MBNL2: variants seen among roughly 807,000 people sequenced by gnomAD.
MBNL2 encodes muscleblind-like protein 2.
Under a neutral mutation model 41.9 loss-of-function variants are expected in MBNL2, and 17 were observed. That is an observed-to-expected ratio of 0.41 (90% CI 0.28 to 0.61). MBNL2 has a LOEUF of 0.61. Among genes scored for constraint, MBNL2 ranks in the 20% least tolerant of loss-of-function variants. MBNL2 has a pLI of 0.35. For synonymous variants in MBNL2, 195 were observed against 182.9 expected (o/e 1.07, Z -0.53); for missense variants, 336 against 505.6 (o/e 0.66, Z 3.22).
chr13:97,280,689 C>CT lies in MBNL2; in HGVS notation c.174+4280_174+4281insT, dbSNP rs200020857. 5.7e-3 allele frequency among the ~76,000 whole-genome samples: 870 copies of CT among 152,256 alleles called. 4 individuals carry two copies. The highest frequency in any genetic ancestry group is 0.01 in the Admixed American group (160 of 15,288). On this transcript the variant is annotated intron_variant, in intron 2 of 8. Transcript: ENST00000679496. ...CACCTGACTTCATTTCTATCGCCAC[C>CT]ACTCCCTCCAACCCACTCCAGCCAC...
intron 2 of MBNL2, among the ~76,000 whole-genome samples, chr13:97,312,247 G>A (rs1016879737): frequency 7.2e-5 from 11 of 152,180 alleles, no homozygotes; most frequent in Admixed American, 2.6e-4. Context: ...GGAATAAGGG[G>A]ACGGAAAACA....
chr13:97,350,420 CAATG>C (rs1167527127), intron 5 of MBNL2, among the ~76,000 whole-genome samples: 1 of 152,200 alleles, frequency 6.6e-6, no homozygotes, highest in East Asian at 1.9e-4. Context: ...TCTTAAAACA[CAATG>C]AACATTGCCA....
chr13:97,248,058 ATTAT>A (rs547350603), intron 1 of MBNL2, among the ~76,000 whole-genome samples: 260 of 152,246 alleles, frequency 1.7e-3, no homozygotes, highest in Middle Eastern at 3.4e-3. Flanking sequence ...TTAGCATGTA[ATTAT>A]TTATTATTTG....
At chr13:97,359,273 A>T (rs999029687) in intron 7 of MBNL2, among the ~76,000 whole-genome samples, 9 of 131,054 alleles carry the variant, frequency 6.9e-5, no homozygotes, top group African/African-American at 2.0e-4. Flanking sequence ...ATTTTAAGAT[A>T]AAAAAAAAAA....
intron 2 of MBNL2, among the ~76,000 whole-genome samples, chr13:97,287,918 G>GTTTTGTTT (rs2054901165): frequency 8.0e-6 from 1 of 124,630 alleles, no homozygotes; most frequent in African/African-American, 3.5e-5. Flanking sequence ...CTAATTTTCT[G>GTTTTGTTT]TTTTTTTTTT....
At chr13:97,186,303 T>G in the MBNL2 span, among the ~76,000 whole-genome samples, 1 of 152,212 alleles carries the variant, frequency 6.6e-6, no homozygotes, top group Non-Finnish European at 1.5e-5. Context: ...CCCCTTCTCC[T>G]GTAATCCAAT....
At chr13:97,313,511 T>G (rs2058782066) in intron 2 of MBNL2, among the ~76,000 whole-genome samples, 1 of 151,832 alleles carries the variant, frequency 6.6e-6, no homozygotes, top group Admixed American at 6.5e-5. Context: ...CATTGTGAGA[T>G]TAAATGGGGT....
chr13:97,233,772 A>G (rs916916243), intron 1 of MBNL2, among the ~76,000 whole-genome samples: 2 of 152,000 alleles, frequency 1.3e-5, no homozygotes, highest in African/African-American at 4.8e-5. Flanking sequence ...TGGGACCAGC[A>G]GAGAGCTTTG....
At chr13:97,187,624 G>A in the MBNL2 span, among the ~76,000 whole-genome samples, 1,299 of 46,138 alleles carry the variant, frequency 0.028, 17 homozygotes, top group Non-Finnish European at 0.06. Flanking sequence ...AAAAAAAAAA[G>A]AGGCCGGGCG....
At chr13:97,281,137 G>A (rs1435871807) in intron 2 of MBNL2, among the ~76,000 whole-genome samples, 5 of 152,142 alleles carry the variant, frequency 3.3e-5, no homozygotes, top group Non-Finnish European at 5.9e-5. Flanking sequence ...ATAAATATTT[G>A]TTGAATTGCA....
chr13:97,207,341 T>C, the MBNL2 span, among the ~76,000 whole-genome samples: 1 of 152,300 alleles, frequency 6.6e-6, no homozygotes, highest in South Asian at 2.1e-4. Flanking sequence ...GATAAAGACA[T>C]ACCCAAGACT....
chr13:97,297,365 A>G (rs919443307), intron 2 of MBNL2, among the ~76,000 whole-genome samples: 1 of 152,182 alleles, frequency 6.6e-6, no homozygotes, highest in Non-Finnish European at 1.5e-5. Context: ...AAGGGTCTCC[A>G]TGTGTCCTGG....
chr13:97,214,545 A>T, the MBNL2 span, among the ~76,000 whole-genome samples: 56 of 152,206 alleles, frequency 3.7e-4, no homozygotes, highest in Non-Finnish European at 6.0e-4. Context: ...ATGTCCTTCC[A>T]TCCGATAGCC....
rs1027917491 is a variant in MBNL2 at position 97,366,624 on chromosome 13, T to A, written c.1048+1453T>A. 7 of 964,242 alleles carry A rather than the reference T, an allele frequency of 7.3e-6. No individual in the cohort carries two copies. Among genetic ancestry groups the A allele is most frequent in the Non-Finnish European group, 1.2e-5 (7 of 605,672 alleles). The allele number at this position is 964,242 out of a possible 1,614,324, so 59.7% of individuals were successfully genotyped here. On this transcript the variant is annotated intron_variant, in intron 8 of 8. Coordinates refer to ENST00000679496, the MANE Select transcript of MBNL2 (RefSeq NM_001382683.1). The surrounding 1 kb of genome is among the most constrained non-coding windows in gnomAD (Gnocchi z 4.7). ...TGAGTGCTGATATTTAAAAAAAAAA[T>A]TCTCGGTGAGAATTTTTTTTTCATG...
intron 3 of MBNL2, among the ~76,000 whole-genome samples, chr13:97,335,182 A>G (rs1231488160): frequency 6.6e-6 from 1 of 152,206 alleles, no homozygotes; most frequent in Non-Finnish European, 1.5e-5. Flanking sequence ...ACTTCCTTAA[A>G]GGTCTGGAAA....
intron 5 of MBNL2, among the ~76,000 whole-genome samples, chr13:97,353,098 A>AGAT (rs971230336): frequency 3.3e-5 from 5 of 152,306 alleles, no homozygotes; most frequent in African/African-American, 9.6e-5. Context: ...AGCTGCATAA[A>AGAT]GATTATTGCA....
chr13:97,142,594 G>T, the MBNL2 span, among the ~76,000 whole-genome samples: 48 of 152,348 alleles, frequency 3.2e-4, no homozygotes, highest in Non-Finnish European at 6.8e-4. Context: ...AGGCTTGGAA[G>T]AGTCTATGGC....
chr13:97,317,565 T>C (rs1008710359), intron 2 of MBNL2, among the ~76,000 whole-genome samples: 2 of 152,244 alleles, frequency 1.3e-5, no homozygotes, highest in African/African-American at 4.8e-5. Context: ...GTTTTATGTA[T>C]GCATAATCCT....
At chr13:97,193,443 A>G in the MBNL2 span, among the ~76,000 whole-genome samples, 1 of 152,334 alleles carries the variant, frequency 6.6e-6, no homozygotes, top group Non-Finnish European at 1.5e-5. Context: ...AAAGTTGACA[A>G]ATGGGGAGGA....
Sources: gnomAD v4.1 joint callset for allele counts (sites outside exome capture counted in the v4.1 genomes callset) on GRCh38, gnomAD v4.1.1 for gene constraint, Gnocchi (gnomAD v3.1) non-coding constraint, MANE v1.5 for transcripts, NCBI Gene and HGNC (gene_info 2026-07-23, HGNC 2026-07-21) for gene names.